The following GPC5 variants were observed in gnomAD, a reference collection of about 807,000 sequenced individuals.
GPC5 encodes the protein glypican-5.
Under a neutral mutation model 53.9 loss-of-function variants are expected in GPC5, and 47 were observed. The ratio of observed to expected loss-of-function variants is 0.87; its 90% CI spans 0.69 to 1.11. The LOEUF is 1.11. Among genes scored for constraint, GPC5 ranks in the 50% most tolerant of loss-of-function variants. The probability of loss-of-function intolerance (pLI) is 0.00; values close to 1 mark genes in which losing one functional copy is unlikely to be tolerated. For synonymous variants in GPC5, 286 were observed against 263.3 expected (o/e 1.09, Z -0.84); for missense variants, 748 against 713.1 (o/e 1.05, Z -0.56).
At chr13:92,395,245 T>A (rs1395120319) in intron 7 of GPC5, among the ~76,000 whole-genome samples, 1 of 152,158 alleles carries the variant, frequency 6.6e-6, no homozygotes, top group Non-Finnish European at 1.5e-5. Flanking sequence ...TCTTCTCTTT[T>A]AGCATATCAA....
chr13:92,273,186 C>G (rs2042852208), intron 7 of GPC5, among the ~76,000 whole-genome samples: 1 of 151,898 alleles, frequency 6.6e-6, no homozygotes, highest in African/African-American at 2.4e-5. Flanking sequence ...ATCTCTGGAC[C>G]ACAGACTTAT....
chr13:92,369,227 A>G (rs1410011450), intron 7 of GPC5, among the ~76,000 whole-genome samples: 1 of 152,212 alleles, frequency 6.6e-6, no homozygotes, highest in Non-Finnish European at 1.5e-5. Context: ...TCTTTCACCC[A>G]GGCTGGAGTG....
At chr13:92,419,444 T>C (rs1876463574) in intron 7 of GPC5, among the ~76,000 whole-genome samples, 1 of 152,204 alleles carries the variant, frequency 6.6e-6, no homozygotes, top group Non-Finnish European at 1.5e-5. Flanking sequence ...AATTTCAGAT[T>C]AATCGTGATC....
At position 91,972,035 on chromosome 13, in the gene GPC5, G is replaced by C. The variant is rs951697794; in HGVS notation, c.1401+63978G>C. On this transcript the variant is annotated intron_variant, in intron 6 of 7. Transcript: ENST00000377067. ...CTGGATATCCTTATTAACTTTCTGT[G>C]TCGTTGATCTGTCTAATGTTGACAG... Among the ~76,000 whole-genome samples the C allele has an allele frequency of 3.9e-5, 6 of 152,180 alleles. No individual in the cohort carries two copies. The South Asian group carries it at 6.2e-4, about 16-fold the overall frequency.
intron 6 of GPC5, among the ~76,000 whole-genome samples, chr13:91,922,132 C>A (rs1040544817): frequency 6.6e-6 from 1 of 152,060 alleles, no homozygotes. Flanking sequence ...ATGATTTAGA[C>A]AGGTAAAGTT....
At chr13:92,098,317 A>G (rs556410099) in intron 6 of GPC5, among the ~76,000 whole-genome samples, 1 of 152,180 alleles carries the variant, frequency 6.6e-6, no homozygotes, top group Non-Finnish European at 1.5e-5. Context: ...AGCTCCTTCC[A>G]TATTCCTGCA....
rs1566567561 is a variant in GPC5, at chr13:92,385,453, CAT to C, written c.1561+240470_1561+240471del. On this transcript the variant is annotated intron_variant, in intron 7 of 7. Coordinates refer to ENST00000377067, the MANE Select transcript of GPC5 (RefSeq NM_004466.6). The stretch of plus-strand genomic sequence containing the variant: ...ACATATATACATATATACATATATA[CAT>C]ATATACACATATATACATATATACA... 5.0e-5 allele frequency among the ~76,000 whole-genome samples: 6 copies of C among 119,412 alleles called. No homozygotes were observed. The South Asian group carries it at 8.0e-4, about 16-fold the overall frequency. The allele number at this position is 119,412 out of a possible 152,430, so 78.3% of individuals were successfully genotyped here.
At chr13:92,385,090 A>G (rs1329062931) in intron 7 of GPC5, among the ~76,000 whole-genome samples, 5 of 150,434 alleles carry the variant, frequency 3.3e-5, no homozygotes, top group African/African-American at 7.3e-5. Flanking sequence ...AGATATGAAA[A>G]CTCTCCCCAG....
At chr13:92,335,693 A>C (rs1376464184) in intron 7 of GPC5, among the ~76,000 whole-genome samples, 3 of 152,144 alleles carry the variant, frequency 2.0e-5, no homozygotes, top group Non-Finnish European at 2.9e-5. Context: ...TCTCAAGTTT[A>C]AAGTTCCAAA....
At chr13:92,324,105 A>C (rs963402453) in intron 7 of GPC5, among the ~76,000 whole-genome samples, 1 of 151,998 alleles carries the variant, frequency 6.6e-6, no homozygotes, top group African/African-American at 2.4e-5. Context: ...AGATTTATGA[A>C]TGAATAAGTC....
chr13:92,161,169 A>T (rs570832236), intron 7 of GPC5, among the ~76,000 whole-genome samples: 1 of 152,166 alleles, frequency 6.6e-6, no homozygotes, highest in Non-Finnish European at 1.5e-5. Flanking sequence ...TATAACCTGC[A>T]TCAGAATGAC....
At chr13:92,545,823 G>A (rs533992627) in intron 7 of GPC5, among the ~76,000 whole-genome samples, 92 of 152,118 alleles carry the variant, frequency 6.0e-4, no homozygotes, top group African/African-American at 1.4e-3. Context: ...GATATTAGCC[G>A]TTTGTCAGAT....
At chr13:91,968,014 C>A (rs577164262) in intron 6 of GPC5, among the ~76,000 whole-genome samples, 1 of 151,848 alleles carries the variant, frequency 6.6e-6, no homozygotes, top group Non-Finnish European at 1.5e-5. Context: ...GACCATTATA[C>A]TTTTTATAAT....
At chr13:92,510,401 G>C (rs1342593747) in intron 7 of GPC5, among the ~76,000 whole-genome samples, 1 of 152,102 alleles carries the variant, frequency 6.6e-6, no homozygotes, top group African/African-American at 2.4e-5. Context: ...GGGAATGATG[G>C]GGAACATGGC....
intron 6 of GPC5, among the ~76,000 whole-genome samples, chr13:92,084,493 T>C (rs1218712206): frequency 6.6e-6 from 1 of 152,178 alleles, no homozygotes; most frequent in African/African-American, 2.4e-5. Flanking sequence ...GCCATGTTTA[T>C]GGATAAGTTT....
At chr13:92,240,126 C>A (rs1204887582) in intron 7 of GPC5, 1 of 151,986 alleles carries the variant, frequency 6.6e-6, no homozygotes, top group Non-Finnish European at 1.5e-5. Flanking sequence ...AAGACGTTAT[C>A]AATACTATTC....
chr13:92,633,716 G>GT (rs1378188491), intron 7 of GPC5, among the ~76,000 whole-genome samples: 1 of 151,716 alleles, frequency 6.6e-6, no homozygotes, highest in Non-Finnish European at 1.5e-5. Flanking sequence ...TCTTTTTAAA[G>GT]TTTTTACCTA....
Position 92,286,949 on chromosome 13 carries a change from T to C in GPC5, c.1561+141960T>C, listed in dbSNP as rs77655128. 2.6e-5 allele frequency among the ~76,000 whole-genome samples: 4 copies of C among 152,232 alleles called. No individual in the cohort carries two copies. In the East Asian group the frequency reaches 7.7e-4, roughly 29 times the overall value. ...AAATACACGGAAGAAAAACCATGTGTAGGTACAAGATGGCCATATGCAAGC... is the reference window on the plus strand; with the variant it reads ...AAATACACGGAAGAAAAACCATGTGCAGGTACAAGATGGCCATATGCAAGC... On this transcript the variant is annotated intron_variant, in intron 7 of 7. Coordinates refer to ENST00000377067, the MANE Select transcript of GPC5 (RefSeq NM_004466.6).
intron 7 of GPC5, among the ~76,000 whole-genome samples, chr13:92,528,093 C>T (rs1346335731): frequency 1.3e-5 from 2 of 152,020 alleles, no homozygotes; most frequent in African/African-American, 4.8e-5. Flanking sequence ...AAATGCTAAT[C>T]ACTAGAGAAT....
Sources: allele counts gnomAD v4.1 joint callset (sites outside exome capture counted in the v4.1 genomes callset), GRCh38; gene constraint gnomAD v4.1.1; transcripts MANE v1.5; gene names NCBI Gene and HGNC (gene_info 2026-07-23, HGNC 2026-07-21).